The following TPST1 variants were observed in gnomAD, a reference collection of about 807,000 sequenced individuals.
TPST1 encodes protein-tyrosine sulfotransferase 1.
A neutral mutation model predicts 34.8 loss-of-function variants in TPST1; 20 were observed. That is an observed-to-expected ratio of 0.57 (90% CI 0.40 to 0.84). The LOEUF is 0.84. Ranked by LOEUF, TPST1 falls within the 40% of genes least tolerant of loss-of-function variation. The pLI, the probability that TPST1 is intolerant of heterozygous loss-of-function variation, is 0.00. For synonymous variants in TPST1, 152 were observed against 159.4 expected (o/e 0.95, Z 0.35); for missense variants, 353 against 455.5 (o/e 0.78, Z 2.05).
At chr7:66,264,983 A>G (rs1048435193) in intron 2 of TPST1, among the ~76,000 whole-genome samples, 2 of 152,208 alleles carry the variant, frequency 1.3e-5, no homozygotes, top group Non-Finnish European at 2.9e-5. Flanking sequence ...CAACAAAAAG[A>G]TAGAAATTAT....
At chr7:66,267,877 T>C (rs1263717843) in intron 2 of TPST1, among the ~76,000 whole-genome samples, 6 of 152,282 alleles carry the variant, frequency 3.9e-5, no homozygotes, top group South Asian at 2.1e-4. Flanking sequence ...ATTGTACATG[T>C]AGCAATGAGG....
At chr7:66,224,901 C>CTTTTCTTTTT (rs1789616977) in intron 1 of TPST1, among the ~76,000 whole-genome samples, 1 of 42,410 alleles carries the variant, frequency 2.4e-5, no homozygotes, top group Non-Finnish European at 3.9e-5. Context: ...TTCTGGTATT[C>CTTTTCTTTTT]TTTTTTTTTT....
At chr7:66,231,393 G>T (rs1789788587) in intron 1 of TPST1, among the ~76,000 whole-genome samples, 1 of 152,208 alleles carries the variant, frequency 6.6e-6, no homozygotes, top group South Asian at 2.1e-4. Flanking sequence ...GATGGGACTG[G>T]GTGCCGTGGA....
In TPST1 at chr7:66,226,735, T is replaced by G. The variant is rs529453276; in HGVS notation, c.-101-13590T>G. Among the ~76,000 whole-genome samples, 26 of 152,300 alleles carry G rather than the reference T, an allele frequency of 1.7e-4. No homozygotes were observed. The South Asian group carries it at 2.5e-3, about 15-fold the overall frequency. ...TAAAACTTGAAGAGAATCACTCAAA[T>G]TTGTGTCCGTTGACAACTAACAAGT... is the stretch of plus-strand genomic sequence containing the variant. On this transcript the variant is annotated intron_variant, in intron 1 of 5. Coordinates refer to ENST00000304842, the MANE Select transcript of TPST1 (RefSeq NM_003596.4).
chr7:66,214,356 T>A (rs914406293), intron 1 of TPST1, among the ~76,000 whole-genome samples: 7 of 151,266 alleles, frequency 4.6e-5, no homozygotes, highest in Non-Finnish European at 1.0e-4. Context: ...TACCCTATAT[T>A]AACTATTAAT....
At chr7:66,221,423 T>G (rs1294159613) in intron 1 of TPST1, among the ~76,000 whole-genome samples, 1 of 152,096 alleles carries the variant, frequency 6.6e-6, no homozygotes, top group East Asian at 1.9e-4. Flanking sequence ...AGAGAGAAAG[T>G]GGTTCATTGA....
At chr7:66,263,005 T>C (rs1466564855) in intron 2 of TPST1, among the ~76,000 whole-genome samples, 1 of 151,758 alleles carries the variant, frequency 6.6e-6, no homozygotes, top group Non-Finnish European at 1.5e-5. Flanking sequence ...GAGGCTGAGG[T>C]ACTAGAATCG....
chr7:66,232,201 A>ATTTT (rs1319878540), intron 1 of TPST1, among the ~76,000 whole-genome samples: 15 of 113,908 alleles, frequency 1.3e-4, no homozygotes, highest in South Asian at 3.0e-4. Flanking sequence ...ATTAAAAAAA[A>ATTTT]TTTTTTTTTT....
At chr7:66,320,964 T>C (rs1791745027) in intron 3 of TPST1, among the ~76,000 whole-genome samples, 1 of 152,250 alleles carries the variant, frequency 6.6e-6, no homozygotes, top group African/African-American at 2.4e-5. Context: ...TTGACTCTGT[T>C]TTAATGTTGA....
At chr7:66,284,227 C>G (rs927669050) in intron 2 of TPST1, among the ~76,000 whole-genome samples, 1 of 152,190 alleles carries the variant, frequency 6.6e-6, no homozygotes, top group Non-Finnish European at 1.5e-5. Context: ...ATGGCTTTCA[C>G]TATTCTGATG....
intron 3 of TPST1, among the ~76,000 whole-genome samples, chr7:66,313,704 ATAAT>A (rs918146834): frequency 6.6e-5 from 10 of 152,276 alleles, no homozygotes; most frequent in South Asian, 2.1e-4. Context: ...TTCTTTTGAA[ATAAT>A]TAAAAACTTA....
intron 1 of TPST1, among the ~76,000 whole-genome samples, chr7:66,213,430 T>C (rs1239981544): frequency 3.3e-5 from 5 of 152,184 alleles, no homozygotes; most frequent in Non-Finnish European, 7.3e-5. Context: ...TTTTCTATTT[T>C]GTCATTTGTT....
rs1001576882 is a variant in TPST1 at position 66,358,336 on chromosome 7, T to A, written c.*29+1465T>A. 4.0e-5 allele frequency among the ~76,000 whole-genome samples: 6 copies of A among 151,838 alleles called. 1 individual carries two copies. In the Middle Eastern group the frequency reaches 0.017, roughly 430 times the overall value. On this transcript the variant is annotated intron_variant, in intron 5 of 5. Coordinates refer to ENST00000304842, the MANE Select transcript of TPST1 (RefSeq NM_003596.4). Reference sequence around the variant, plus strand: ...TTACTTGCTGACCTTTGTTTTTTTTTTTTATATAATGTTTTTATTTTTACT... The same window carrying A: ...TTACTTGCTGACCTTTGTTTTTTTTATTTATATAATGTTTTTATTTTTACT...
chr7:66,241,006 T>C lies in TPST1; in HGVS notation c.581T>C (p.Ile194Thr), dbSNP rs1431150043. 1 of 1,614,120 alleles carries C rather than the reference T, an allele frequency of 6.2e-7. No homozygotes were observed. The highest frequency in any genetic ancestry group is 2.2e-5 in the East Asian group (1 of 44,904). Residue 194 changes from isoleucine (I) to threonine (T), a missense_variant, in exon 2 of 6, where the codon ATT becomes ACT. By Grantham distance (89) the Ile-to-Thr change is moderately conservative (BLOSUM62 -1). Coordinates refer to ENST00000304842, the MANE Select transcript of TPST1 (RefSeq NM_003596.4). ...GGCCGGGCATCAGTACATTCAATGA[T>C]TTCTCGAAAAGTTACTATAGCTGGA... ...RDGRASVHSMISRKVTIAGFD... is the reference protein window; with the variant it reads ...RDGRASVHSMTSRKVTIAGFD...
Position 66,240,593 on chromosome 7 carries a change from C to A in TPST1, c.168C>A (p.Asp56Glu), listed in dbSNP as rs201836970. ...STRTTVRTGL[D>E]LKANKTFAYH... ...GGACCACTGTGAGAACTGGCCTGGA[C>A]CTCAAAGCCAACAAAACCTTTGCCT... Residue 56 changes from aspartate (D) to glutamate (E), a missense_variant, in exon 2 of 6, where the codon GAC becomes GAA. Coordinates refer to ENST00000304842, the MANE Select transcript of TPST1 (RefSeq NM_003596.4). 36 of 1,614,040 alleles carry A rather than the reference C, an allele frequency of 2.2e-5. No individual in the cohort carries two copies. Among genetic ancestry groups the A allele is most frequent in the Non-Finnish European group, 3.1e-5 (36 of 1,180,040 alleles).
At chr7:66,279,989 A>G (rs190160691) in intron 2 of TPST1, among the ~76,000 whole-genome samples, 158 of 152,304 alleles carry the variant, frequency 1.0e-3, no homozygotes, top group African/African-American at 3.7e-3. Context: ...TCCTATGGGG[A>G]AAACGGAATC....
At chr7:66,304,895 G>A (rs1232875518) in intron 3 of TPST1, among the ~76,000 whole-genome samples, 1 of 151,040 alleles carries the variant, frequency 6.6e-6, no homozygotes, top group Non-Finnish European at 1.5e-5. Context: ...ATAGCTCACT[G>A]CATCCAGAAT....
intron 3 of TPST1, among the ~76,000 whole-genome samples, chr7:66,299,562 G>A (rs965093126): frequency 6.6e-5 from 10 of 151,618 alleles, no homozygotes; most frequent in East Asian, 1.9e-4. Flanking sequence ...TACCAAATTC[G>A]TAGCTCCGTT....
chr7:66,253,434 G>C (rs184568829), intron 2 of TPST1, among the ~76,000 whole-genome samples: 5 of 148,838 alleles, frequency 3.4e-5, no homozygotes, highest in African/African-American at 1.2e-4. Flanking sequence ...GCAGTGGCAC[G>C]ATCTCAGCTC....
Sources: gnomAD v4.1 joint callset for allele counts (sites outside exome capture counted in the v4.1 genomes callset) on GRCh38, gnomAD v4.1.1 for gene constraint, MANE v1.5 for transcripts, NCBI Gene and HGNC (gene_info 2026-07-23, HGNC 2026-07-21) for gene names.